The following BAALC variants were observed in gnomAD, a reference collection of about 807,000 sequenced individuals.
BAALC encodes the protein brain and acute leukemia cytoplasmic protein.
In BAALC, 9 loss-of-function variants were observed where a neutral mutation model predicts 15.5. The ratio of observed to expected loss-of-function variants is 0.58; its 90% CI spans 0.35 to 1.02. The LOEUF is 1.02. Ranked by LOEUF, BAALC falls within the 50% of genes least tolerant of loss-of-function variation. The pLI, the probability that BAALC is intolerant of heterozygous loss-of-function variation, is 0.02. For synonymous variants in BAALC, 80 were observed against 74.6 expected (o/e 1.07, Z -0.37); for missense variants, 201 against 192.4 (o/e 1.04, Z -0.27).
intron 1 of BAALC, among the ~76,000 whole-genome samples, chr8:103,183,708 T>C (rs1811775426): frequency 6.6e-6 from 1 of 152,184 alleles, no homozygotes. Flanking sequence ...CTCTGCTCCA[T>C]ACCTGCTCAT....
At chr8:103,181,564 G>A (rs763183788) in intron 1 of BAALC, among the ~76,000 whole-genome samples, 5 of 152,096 alleles carry the variant, frequency 3.3e-5, no homozygotes, top group Non-Finnish European at 5.9e-5. Context: ...GAGCCACCTC[G>A]CCCGGCCAGG....
rs1369586226 is a variant in BAALC, at chr8:103,200,836, C to G, written c.161-12083C>G. ...GTTCATGAAGACAGAACCGTCATGG[C>G]AATTGCTTCCTAAAGGTCCTGCCTC... On this transcript the variant is annotated intron_variant, in intron 1 of 2. Coordinates refer to ENST00000309982, the MANE Select transcript of BAALC (RefSeq NM_024812.3). 5 of 586,746 alleles carry G rather than the reference C, an allele frequency of 8.5e-6. No individual in the cohort carries two copies. In the African/African-American group the frequency reaches 8.9e-5, roughly 11 times the overall value. The allele number at this position is 586,746 out of a possible 1,614,324, so 36.3% of individuals were successfully genotyped here. A position where few individuals can be genotyped will look rare whatever the true frequency, so the allele number is the denominator to read the frequency against.
intron 1 of BAALC, among the ~76,000 whole-genome samples, chr8:103,195,022 T>C (rs1812060508): frequency 1.3e-5 from 2 of 152,102 alleles, no homozygotes; most frequent in South Asian, 4.2e-4. Context: ...GCAAGGAATT[T>C]TAAGCATCAT....
At chr8:103,211,819 A>T (rs1812452429) in intron 1 of BAALC, among the ~76,000 whole-genome samples, 1 of 152,082 alleles carries the variant, frequency 6.6e-6, no homozygotes, top group African/African-American at 2.4e-5. Flanking sequence ...CCTTCTCTCT[A>T]GTCCCTGCCC....
intron 1 of BAALC, among the ~76,000 whole-genome samples, chr8:103,147,861 G>A (rs956467545): frequency 2.0e-5 from 3 of 152,172 alleles, no homozygotes; most frequent in Non-Finnish European, 4.4e-5. Context: ...CCTCTGCAGA[G>A]CAGACTCGAG....
chr8:103,208,991 C>T (rs936526304), intron 1 of BAALC, among the ~76,000 whole-genome samples: 8 of 152,152 alleles, frequency 5.3e-5, no homozygotes, highest in Non-Finnish European at 1.2e-4. Flanking sequence ...AGGCTGGCAG[C>T]ATCATGGTGC....
chr8:103,197,449 G>T (rs890791343), intron 1 of BAALC, among the ~76,000 whole-genome samples: 2 of 152,108 alleles, frequency 1.3e-5, no homozygotes, highest in Admixed American at 6.5e-5. Flanking sequence ...GATATGAATT[G>T]TTTTTCGAGT....
chr8:103,212,319 G>A (rs1225206074), intron 1 of BAALC, among the ~76,000 whole-genome samples: 6 of 152,066 alleles, frequency 3.9e-5, no homozygotes, highest in Admixed American at 6.6e-5. Flanking sequence ...ATGGTGACAC[G>A]TGCCTTTAGT....
At chr8:103,205,815 C>A (rs533653174) in intron 1 of BAALC, among the ~76,000 whole-genome samples, 1 of 152,164 alleles carries the variant, frequency 6.6e-6, no homozygotes, top group African/African-American at 2.4e-5. Context: ...TGGAAACATA[C>A]GGAACCTGGG....
At chr8:103,222,814 T>C (rs779567177) in intron 2 of BAALC, among the ~76,000 whole-genome samples, 4 of 152,066 alleles carry the variant, frequency 2.6e-5, no homozygotes, top group Non-Finnish European at 4.4e-5. Context: ...ACTTTTAGAG[T>C]TATTGTTGTT....
chr8:103,163,168 A>G (rs72671383), intron 1 of BAALC, among the ~76,000 whole-genome samples: 4,540 of 151,642 alleles, frequency 0.03, 87 homozygotes, highest in Non-Finnish European at 0.045. Flanking sequence ...CTACACCACC[A>G]TTTCCCTTCC....
intron 1 of BAALC, among the ~76,000 whole-genome samples, chr8:103,206,163 C>T (rs1812324269): frequency 6.6e-6 from 1 of 152,176 alleles, no homozygotes; most frequent in African/African-American, 2.4e-5. Flanking sequence ...CCTCAACCTC[C>T]AGCCTTCCCA....
rs200680740 is a variant in BAALC, at chr8:103,214,056, G to A, written c.327+971G>A. Among the ~76,000 whole-genome samples, 8 of 152,344 alleles carry A rather than the reference G, an allele frequency of 5.3e-5. No individual in the cohort carries two copies. The East Asian group carries it at 9.6e-4, about 18-fold the overall frequency. Reference sequence around the variant, plus strand: ...ATCTAAGGCATGAGGAAAGATGATTGGCAGTGGGGGAAAGTGAGATAATCA... The same window carrying A: ...ATCTAAGGCATGAGGAAAGATGATTAGCAGTGGGGGAAAGTGAGATAATCA... On this transcript the variant is annotated intron_variant, in intron 2 of 2. Transcript: ENST00000309982.
At chr8:103,189,463 C>A (rs191203209) in intron 1 of BAALC, among the ~76,000 whole-genome samples, 2 of 152,286 alleles carry the variant, frequency 1.3e-5, no homozygotes, top group African/African-American at 2.4e-5. Flanking sequence ...GACAGCTGAG[C>A]AAAGTGAGAG....
chr8:103,176,574 G>T (rs954251961), intron 1 of BAALC, among the ~76,000 whole-genome samples: 2 of 152,138 alleles, frequency 1.3e-5, no homozygotes, highest in Non-Finnish European at 2.9e-5. Flanking sequence ...CAATCCTAGC[G>T]CCCACACTAA....
intron 1 of BAALC, among the ~76,000 whole-genome samples, chr8:103,188,312 A>G (rs896785119): frequency 1.3e-5 from 2 of 152,186 alleles, no homozygotes; most frequent in Non-Finnish European, 2.9e-5. Flanking sequence ...AACTCGGGCC[A>G]TGCGATGCCC....
At chr8:103,153,616 G>C (rs767648397) in intron 1 of BAALC, among the ~76,000 whole-genome samples, 3 of 152,190 alleles carry the variant, frequency 2.0e-5, no homozygotes, top group Non-Finnish European at 4.4e-5. Context: ...ATTAATGCCA[G>C]CCAGAGACTG....
chr8:103,204,446 ATTG>A (rs1456146462), intron 1 of BAALC, among the ~76,000 whole-genome samples: 2 of 152,040 alleles, frequency 1.3e-5, no homozygotes, highest in Admixed American at 6.6e-5. Flanking sequence ...TCTATTTTTC[ATTG>A]TTGTTGCTTG....
At chr8:103,191,526 C>T (rs1180587311) in intron 1 of BAALC, 1 of 152,112 alleles carries the variant, frequency 6.6e-6, no homozygotes, top group Non-Finnish European at 1.5e-5. Context: ...TTGTTTTACA[C>T]TGAAGAAAAA....
Sources: gnomAD v4.1 joint callset for allele counts (sites outside exome capture counted in the v4.1 genomes callset) on GRCh38, gnomAD v4.1.1 for gene constraint, MANE v1.5 for transcripts, NCBI Gene and HGNC (gene_info 2026-07-23, HGNC 2026-07-21) for gene names.